PTPRN: variants seen among roughly 807,000 people sequenced by gnomAD.
The protein encoded by PTPRN is receptor-type tyrosine-protein phosphatase-like N.
Under a neutral mutation model 108.5 loss-of-function variants are expected in PTPRN, and 70 were observed. The observed-to-expected ratio is 0.65, with a 90% CI of 0.53 to 0.79. PTPRN has a LOEUF of 0.79. PTPRN is among the 30% of genes least tolerant of loss of function. The pLI, the probability that PTPRN is intolerant of heterozygous loss-of-function variation, is 0.00. For missense variants in PTPRN, 1,136 were observed against 1,295.5 expected, an observed-to-expected ratio of 0.88 and a Z score of 1.89; for synonymous variants, 496 against 524.6, an observed-to-expected ratio of 0.95 and a Z score of 0.75.
Position 219,296,893 on chromosome 2 carries a change from C to G in PTPRN, c.2237-71G>C, listed in dbSNP as rs1224372420. Reference sequence around the variant, plus strand: ...GCATCGCGGGACCTCTGCCACTCAGCCTGAGCCAGAAGCCCAACCCCTTAC... The same window carrying G: ...GCATCGCGGGACCTCTGCCACTCAGGCTGAGCCAGAAGCCCAACCCCTTAC... On this transcript the variant is annotated intron_variant, in intron 15 of 22. Transcript: ENST00000295718. This position sits in a 1 kb window ranked among gnomAD's most constrained non-coding sequence, Gnocchi z 6.0. The G allele has an allele frequency of 3.9e-5, 63 of 1,612,556 alleles. No homozygotes were observed. The highest frequency in any genetic ancestry group is 5.0e-5 in the Non-Finnish European group (59 of 1,179,014).
intron 6 of PTPRN, 115 bp from the exon 7 acceptor site, chr2:219,301,834 C>T (rs1952355803): frequency 1.7e-5 from 22 of 1,305,738 alleles, no homozygotes; most frequent in Non-Finnish European, 2.3e-5. Context: ...TCCCAGACAC[C>T]AGGACACCAA....
At chr2:219,308,891 G>C (rs1331524948) in intron 1 of PTPRN, 1 of 1,349,624 alleles carries the variant, frequency 7.4e-7, no homozygotes, top group Non-Finnish European at 9.8e-7. Flanking sequence ...CCTCCCAGGC[G>C]CCTCGGAGCA....
Position 219,297,481 on chromosome 2 carries a change from C to G in PTPRN, c.1888-48G>C. On this transcript the variant is annotated intron_variant, in intron 13 of 22. Coordinates refer to ENST00000295718, the MANE Select transcript of PTPRN (RefSeq NM_002846.4). The surrounding 1 kb of genome is among the most constrained non-coding windows in gnomAD (Gnocchi z 6.0). ...GGTCCAAGAGTCCCCTGAAACTTTTCAACAGGGCCCTGGGTTCAACTCTGG... is the reference window on the plus strand; with the variant it reads ...GGTCCAAGAGTCCCCTGAAACTTTTGAACAGGGCCCTGGGTTCAACTCTGG... The G allele has an allele frequency of 6.3e-7, 1 of 1,579,244 alleles. No homozygotes were observed. The highest frequency in any genetic ancestry group is 8.7e-7 in the Non-Finnish European group (1 of 1,151,170).
intron 6 of PTPRN, among the ~76,000 whole-genome samples, chr2:219,301,928 G>C (rs1007581956): frequency 6.6e-6 from 1 of 152,136 alleles, no homozygotes; most frequent in Non-Finnish European, 1.5e-5. Flanking sequence ...AGGACATCTT[G>C]ACTCTCCACT....
At position 219,290,285 on chromosome 2, in the gene PTPRN, A is replaced by C. The variant is rs1406292980; in HGVS notation, c.2881T>G (p.Phe961Val). 1 of 1,612,744 alleles carries C rather than the reference A, an allele frequency of 6.2e-7. No individual in the cohort carries two copies. The highest frequency in any genetic ancestry group is 1.7e-5 in the Admixed American group (1 of 59,962). The change falls in exon 23 of 23, where the codon TTT becomes GTT. Residue 961 changes from phenylalanine to valine, a missense_variant. Coordinates refer to ENST00000295718, the MANE Select transcript of PTPRN (RefSeq NM_002846.4). This position sits in a 1 kb window ranked among gnomAD's most constrained non-coding sequence, Gnocchi z 4.2. ...TCCTCCGCCACGGCTGTCAGGGCAA[A>C]TTCAAACTGGTCCTGAGGAAGGGCA... ...GLVRSKDQFE[F>V]ALTAVAEEVN...
intron 6 of PTPRN, 94 bp downstream of exon 6, chr2:219,302,043 A>G: frequency 6.8e-6 from 8 of 1,172,356 alleles, no homozygotes; most frequent in Non-Finnish European, 9.5e-6. Context: ...CTTTAAGGAC[A>G]AGTTAACAAA....
rs1387670342 is a variant in PTPRN, at chr2:219,296,505, G to A, written c.2322C>T (p.Asp774=). 1.9e-6 allele frequency: 3 copies of A among 1,614,012 alleles called. No individual in the cohort carries two copies. The East Asian group carries it at 6.7e-5, about 36-fold the overall frequency. ...TGGCTATGTAGGCTGGCATCCGAGG[G>A]TCATGCTCAATCTGGAGGCAGGGAA... ...YINASPIIEH[D]PRMPAYIATQ... Residue 774 remains aspartate, a synonymous_variant, in exon 17 of 23, where the codon GAC becomes GAT. Transcript: ENST00000295718. This position sits in a 1 kb window ranked among gnomAD's most constrained non-coding sequence, Gnocchi z 6.0.
Position 219,303,762 on chromosome 2 carries a change from C to A in PTPRN, c.350G>T (p.Arg117Leu). Reference protein sequence around the residue: ...SQEMERIPRLRPPEPRPRDRS... With the variant: ...SQEMERIPRLLPPEPRPRDRS... ...GTCCCTTGGACGGGGCTCTGGGGGG[C>A]GAAGCCTGGGGATGCGCTCCATCTC... Residue 117 changes from arginine to leucine, a missense_variant, in exon 4 of 23, where the codon CGC becomes CTC. Transcript: ENST00000295718. 1 of 1,613,982 alleles carries A rather than the reference C, an allele frequency of 6.2e-7. No homozygotes were observed. Among genetic ancestry groups the A allele is most frequent in the African/African-American group, 1.3e-5 (1 of 75,042 alleles).
At chr2:219,294,317 G>A (rs1952121608) in intron 19 of PTPRN, 1 of 383,176 alleles carries the variant, frequency 2.6e-6, no homozygotes, top group South Asian at 1.9e-5. Context: ...GACAGGGGAA[G>A]GAGGTGGAGA....
At chr2:219,299,011 C>G in intron 12 of PTPRN, 36 bp downstream of exon 12, 1 of 1,612,172 alleles carries the variant, frequency 6.2e-7, no homozygotes, top group Non-Finnish European at 8.5e-7. Flanking sequence ...CATCAGCCCT[C>G]TGGGGACTTG....
intron 12 of PTPRN, among the ~76,000 whole-genome samples, chr2:219,298,425 C>T (rs1053173682): frequency 7.2e-5 from 11 of 152,254 alleles, no homozygotes; most frequent in Middle Eastern, 3.4e-3. Flanking sequence ...GAGTATAGGC[C>T]GGGCGTGGTG....
chr2:219,290,288 C>G lies in PTPRN; in HGVS notation c.2878G>C (p.Glu960Gln). The G allele has an allele frequency of 1.2e-6, 2 of 1,613,582 alleles. No homozygotes were observed. Among genetic ancestry groups the G allele is most frequent in the South Asian group, 2.2e-5 (2 of 91,038 alleles). Residue 960 changes from glutamate to glutamine, a missense_variant, in exon 23 of 23, where the codon GAA becomes CAA. Physicochemically the swap from Glu to Gln is conservative, Grantham distance 29. Transcript: ENST00000295718. This position sits in a 1 kb window ranked among gnomAD's most constrained non-coding sequence, Gnocchi z 4.2. Reference protein sequence around the residue: ...PGLVRSKDQFEFALTAVAEEV... With the variant: ...PGLVRSKDQFQFALTAVAEEV... ...TCCGCCACGGCTGTCAGGGCAAATTCAAACTGGTCCTGAGGAAGGGCAGTG... is the reference window on the plus strand; with the variant it reads ...TCCGCCACGGCTGTCAGGGCAAATTGAAACTGGTCCTGAGGAAGGGCAGTG...
chr2:219,305,401 C>T (rs908359859), intron 3 of PTPRN, among the ~76,000 whole-genome samples: 2 of 152,148 alleles, frequency 1.3e-5, no homozygotes, highest in Admixed American at 6.6e-5. Flanking sequence ...CGCCACCATG[C>T]CTGGCTAATT....
rs773760803 is a variant in PTPRN at position 219,294,957 on chromosome 2, G to A, written c.2675+18C>T. On this transcript the variant is annotated intron_variant, in intron 19 of 22. Transcript: ENST00000295718. ...CCCCGCCCATGCGGTCCCTCCAGGC[G>A]GGGGCGCCCGCGCTCACCTGCGGAA... 2 of 1,536,174 alleles carry A rather than the reference G, an allele frequency of 1.3e-6. No individual in the cohort carries two copies. Among genetic ancestry groups the A allele is most frequent in the Non-Finnish European group, 1.7e-6 (2 of 1,143,152 alleles).
rs1369822305 is a variant in PTPRN, at chr2:219,290,052, G to C, written c.*174C>G. The C allele has an allele frequency of 1.6e-6, 1 of 639,296 alleles. No individual in the cohort carries two copies. The highest frequency in any genetic ancestry group is 1.8e-5 in the African/African-American group (1 of 54,418). The allele number at this position is 639,296 out of a possible 1,614,324, so 39.6% of individuals were successfully genotyped here. A position where few individuals can be genotyped will look rare whatever the true frequency, so the allele number is the denominator to read the frequency against. On this transcript the variant is annotated 3_prime_UTR_variant, in exon 23 of 23. Coordinates refer to ENST00000295718, the MANE Select transcript of PTPRN (RefSeq NM_002846.4). The surrounding 1 kb of genome is among the most constrained non-coding windows in gnomAD (Gnocchi z 4.2). Reference sequence around the variant, plus strand: ...GGGCTCTGGGATGCCCCAGGCTCTGGCATGCGAGGCTGGGCAGGCGTGCCC... The same window carrying C: ...GGGCTCTGGGATGCCCCAGGCTCTGCCATGCGAGGCTGGGCAGGCGTGCCC...
Position 219,309,223 on chromosome 2 carries a change from G to A in PTPRN, c.110C>T (p.Ala37Val). Residue 37 changes from alanine (A) to valine (V), a missense_variant, in exon 1 of 23, where the codon GCC (alanine) becomes GTC (valine). Ala to Val is a moderately conservative substitution (Grantham distance 64). Coordinates refer to ENST00000295718, the MANE Select transcript of PTPRN (RefSeq NM_002846.4). Reference sequence around the variant, plus strand: ...AGCCCAAGTTTCCTCCTGACCGTGGGCACTAACGGCGCTGCAGCCCCCCGG... The same window carrying A: ...AGCCCAAGTTTCCTCCTGACCGTGGACACTAACGGCGCTGCAGCCCCCCGG... ...SRPGGCSAVS[A>V]HGCLFDRRLC... The A allele has an allele frequency of 1.3e-6, 2 of 1,535,362 alleles. No homozygotes were observed. The highest frequency in any genetic ancestry group is 8.8e-7 in the Non-Finnish European group (1 of 1,142,754).
At chr2:219,304,143 T>C (rs772525869) in intron 3 of PTPRN, 11 of 213,084 alleles carry the variant, frequency 5.2e-5, no homozygotes, top group Non-Finnish European at 9.4e-5. Context: ...GGATTGTTAT[T>C]ATCATTAAAA....
chr2:219,307,870 C>T, intron 1 of PTPRN, 28 bp from the exon 2 acceptor site: 1 of 1,610,512 alleles, frequency 6.2e-7, no homozygotes. Flanking sequence ...AGCAGAGGCT[C>T]AGACACCCAC....
intron 1 of PTPRN, chr2:219,308,915 G>C (rs1199119262): frequency 2.8e-5 from 39 of 1,390,474 alleles, no homozygotes; most frequent in Non-Finnish European, 3.4e-5. Flanking sequence ...GGCTTCTCCT[G>C]TGGTCTCGCA....
Sources: gnomAD v4.1 joint callset for allele counts (sites outside exome capture counted in the v4.1 genomes callset) on GRCh38, gnomAD v4.1.1 for gene constraint, Gnocchi (gnomAD v3.1) non-coding constraint, MANE v1.5 for transcripts, NCBI Gene and HGNC (gene_info 2026-07-23, HGNC 2026-07-21) for gene names.